RARS2: variants seen among roughly 807,000 people sequenced by gnomAD.
RARS2 encodes arginyl-tRNA synthetase 2, mitochondrial.
Under a neutral mutation model 88.5 loss-of-function variants are expected in RARS2, and 67 were observed. The ratio of observed to expected loss-of-function variants is 0.76; its 90% CI spans 0.62 to 0.93. RARS2 has a LOEUF of 0.93. Among genes scored for constraint, RARS2 ranks in the 40% least tolerant of loss-of-function variants. The pLI is 0.00. For missense variants in RARS2, 664 were observed against 684.2 expected (o/e 0.97, Z 0.33); for synonymous variants, 239 against 230.3 (o/e 1.04, Z -0.34).
chr6:87,556,316 T>C (rs1044753948), intron 4 of RARS2, among the ~76,000 whole-genome samples: 20 of 152,168 alleles, frequency 1.3e-4, no homozygotes, highest in African/African-American at 4.8e-4. Flanking sequence ...ACTTTTATTT[T>C]TATATTTTTG....
At chr6:87,560,300 A>C (rs1787437119) in intron 4 of RARS2, among the ~76,000 whole-genome samples, 2 of 152,348 alleles carry the variant, frequency 1.3e-5, no homozygotes, top group South Asian at 2.1e-4. Context: ...AAAAGCGTGA[A>C]ATAAAATGAT....
intron 18 of RARS2, 117 bp from the exon 19 acceptor site, chr6:87,515,137 T>A (rs1771140591): frequency 2.4e-6 from 2 of 841,886 alleles, no homozygotes; most frequent in Non-Finnish European, 4.1e-6. Context: ...CATTAAAGGA[T>A]GTATTCAAAA....
At chr6:87,584,086 T>C (rs1774402684) in intron 1 of RARS2, among the ~76,000 whole-genome samples, 1 of 152,222 alleles carries the variant, frequency 6.6e-6, no homozygotes, top group South Asian at 2.1e-4. Context: ...AGATGGTTCC[T>C]CACTCCAGAG....
At chr6:87,573,606 A>C (rs1320475903) in intron 1 of RARS2, among the ~76,000 whole-genome samples, 1 of 152,174 alleles carries the variant, frequency 6.6e-6, no homozygotes, top group Non-Finnish European at 1.5e-5. Flanking sequence ...TGCACAATGT[A>C]AATGTACCTA....
At chr6:87,527,231 C>T (rs1163778487) in intron 10 of RARS2, among the ~76,000 whole-genome samples, 1 of 152,024 alleles carries the variant, frequency 6.6e-6, no homozygotes. Flanking sequence ...TTCGCTTGAA[C>T]CTGGGAGGCA....
Position 87,589,967 on chromosome 6 carries a change from T to A in RARS2, c.-10A>T. ...GAAAGCCGCACGCCATGTCCACCTC[T>A]ACGGAAGTGCGCCGCAGTCCGCCAG... is the stretch of plus-strand genomic sequence containing the variant. On this transcript the variant is annotated 5_prime_UTR_variant, in exon 1 of 20. Coordinates refer to ENST00000369536, the MANE Select transcript of RARS2 (RefSeq NM_020320.5). 1 of 1,614,240 alleles carries A rather than the reference T, an allele frequency of 6.2e-7. No homozygotes were observed. The highest frequency in any genetic ancestry group is 2.2e-5 in the East Asian group (1 of 44,880).
intron 1 of RARS2, among the ~76,000 whole-genome samples, chr6:87,578,212 T>C (rs1356385791): frequency 1.3e-5 from 2 of 152,096 alleles, no homozygotes; most frequent in Non-Finnish European, 2.9e-5. Flanking sequence ...CTTTTCAATA[T>C]GTTGGACATT....
intron 5 of RARS2, among the ~76,000 whole-genome samples, chr6:87,550,757 A>C (rs1269128296): frequency 6.6e-6 from 1 of 151,164 alleles, no homozygotes; most frequent in East Asian, 1.9e-4. Context: ...AAAAATAATA[A>C]GCCAGCCCTG....
intron 6 of RARS2, among the ~76,000 whole-genome samples, chr6:87,548,126 C>T (rs1179781678): frequency 6.6e-6 from 1 of 151,928 alleles, no homozygotes; most frequent in African/African-American, 2.4e-5. Flanking sequence ...GCCTGTAATC[C>T]CAGCAACTTG....
intron 16 of RARS2, 91 bp downstream of exon 16, chr6:87,518,539 C>T: frequency 2.1e-6 from 3 of 1,396,520 alleles, no homozygotes; most frequent in Non-Finnish European, 3.0e-6. Context: ...ATTGGAAAAG[C>T]CCAGAAAACA....
At chr6:87,518,765 T>C in intron 15 of RARS2, 26 bp from the exon 16 acceptor site, 1 of 1,611,432 alleles carries the variant, frequency 6.2e-7, no homozygotes, top group Non-Finnish European at 8.5e-7. Flanking sequence ...AAATCTTCAC[T>C]GCTGGGATTT....
intron 16 of RARS2, 147 bp downstream of exon 16, chr6:87,518,483 T>C: frequency 7.4e-7 from 1 of 1,344,772 alleles, no homozygotes; most frequent in Non-Finnish European, 1.0e-6. Context: ...AAATTTTTTT[T>C]TTTTCCTAAA....
intron 6 of RARS2, among the ~76,000 whole-genome samples, chr6:87,547,543 T>C (rs935491660): frequency 6.6e-6 from 1 of 152,220 alleles, no homozygotes; most frequent in Admixed American, 6.5e-5. Context: ...TGACCTGCTG[T>C]ATGACATGTG....
intron 7 of RARS2, among the ~76,000 whole-genome samples, chr6:87,545,226 A>G (rs1782247439): frequency 6.6e-6 from 1 of 152,140 alleles, no homozygotes; most frequent in Non-Finnish European, 1.5e-5. Context: ...TAGGACTACA[A>G]GGGCATGCCA....
intron 16 of RARS2, 151 bp from the exon 17 acceptor site, chr6:87,518,415 G>T (rs575743887): frequency 7.4e-6 from 11 of 1,495,202 alleles, no homozygotes; most frequent in Non-Finnish European, 9.8e-6. Context: ...TTTTCGACAG[G>T]GTTATTCTGA....
intron 8 of RARS2, among the ~76,000 whole-genome samples, chr6:87,534,640 A>G (rs1266477870): frequency 6.6e-6 from 1 of 152,174 alleles, no homozygotes; most frequent in Admixed American, 6.5e-5. Flanking sequence ...CCAAATAAGC[A>G]GAGAGAGAGT....
chr6:87,549,655 CGT>C (rs2128129730), intron 5 of RARS2, among the ~76,000 whole-genome samples: 1 of 152,256 alleles, frequency 6.6e-6, no homozygotes, highest in African/African-American at 2.4e-5. Context: ...TTATCACTCC[CGT>C]GTGTGCTCAA....
chr6:87,578,118 C>CT (rs1205475603), intron 1 of RARS2, among the ~76,000 whole-genome samples: 2 of 149,632 alleles, frequency 1.3e-5, no homozygotes, highest in Non-Finnish European at 3.0e-5. Flanking sequence ...CCCCCCCCCC[C>CT]GCCATCTCTA....
At chr6:87,540,671 G>A (rs921899279) in intron 8 of RARS2, among the ~76,000 whole-genome samples, 6 of 152,148 alleles carry the variant, frequency 3.9e-5, no homozygotes, top group East Asian at 3.9e-4. Flanking sequence ...CTTCGTATCC[G>A]CGTTTCCACT....
Sources: gnomAD v4.1 joint callset for allele counts (sites outside exome capture counted in the v4.1 genomes callset) on GRCh38, gnomAD v4.1.1 for gene constraint, MANE v1.5 for transcripts, NCBI Gene and HGNC (gene_info 2026-07-23, HGNC 2026-07-21) for gene names.